Variants in TBCK observed in about 807,000 individuals in gnomAD.
TBCK encodes the protein TBC domain-containing protein kinase-like protein.
TBCK carries 99 observed loss-of-function variants against 113.4 expected under a neutral mutation model. The observed-to-expected ratio is 0.87, with a 90% CI of 0.74 to 1.03. TBCK has a LOEUF of 1.03. Ranked by LOEUF, TBCK falls within the 50% of genes least tolerant of loss-of-function variation. The pLI is 0.00. For missense variants in TBCK, 1,045 were observed against 1,061.3 expected, an observed-to-expected ratio of 0.98 and a Z score of 0.21; for synonymous variants, 369 against 370.8, an observed-to-expected ratio of 1.00 and a Z score of 0.05.
intron 1 of TBCK, among the ~76,000 whole-genome samples, chr4:106,311,541 T>C (rs1382353895): frequency 6.6e-6 from 1 of 152,082 alleles, no homozygotes; most frequent in African/African-American, 2.4e-5. Flanking sequence ...AAGAATATAT[T>C]CAATAAGTAA....
At chr4:106,130,706 TTAG>T (rs2149618009) in intron 23 of TBCK, among the ~76,000 whole-genome samples, 1 of 151,978 alleles carries the variant, frequency 6.6e-6, no homozygotes, top group Non-Finnish European at 1.5e-5. Flanking sequence ...TTTTCTGTGT[TTAG>T]GTTTTATTCA....
At chr4:106,254,135 G>A (rs1761727573) in intron 5 of TBCK, among the ~76,000 whole-genome samples, 1 of 152,028 alleles carries the variant, frequency 6.6e-6, no homozygotes, top group African/African-American at 2.4e-5. Context: ...GGCCAGAGAA[G>A]CTCATTGAAA....
At chr4:106,113,079 C>T (rs1355223117) in intron 24 of TBCK, among the ~76,000 whole-genome samples, 7 of 152,202 alleles carry the variant, frequency 4.6e-5, no homozygotes, top group Non-Finnish European at 8.8e-5. Context: ...GCGCTCATGC[C>T]TTTCCTGGAG....
chr4:106,059,750 A>G (rs898228758), intron 25 of TBCK, among the ~76,000 whole-genome samples: 1 of 151,828 alleles, frequency 6.6e-6, no homozygotes, highest in Non-Finnish European at 1.5e-5. Flanking sequence ...TCTAGAAATA[A>G]GATTAAGATT....
chr4:106,087,747 C>T (rs1739681684), intron 25 of TBCK, among the ~76,000 whole-genome samples: 1 of 150,820 alleles, frequency 6.6e-6, no homozygotes. Context: ...GGAGCAGGAC[C>T]AACATACAGA....
intron 2 of TBCK, among the ~76,000 whole-genome samples, chr4:106,306,147 G>A (rs1227461372): frequency 1.3e-5 from 2 of 151,414 alleles, no homozygotes; most frequent in Non-Finnish European, 2.9e-5. Context: ...ATAACTCACT[G>A]CAGCCCCAAA....
intron 25 of TBCK, among the ~76,000 whole-genome samples, chr4:106,058,938 T>C (rs570810445): frequency 6.6e-6 from 1 of 151,798 alleles, no homozygotes; most frequent in Admixed American, 6.6e-5. Flanking sequence ...GTGAAAACAG[T>C]TGTGCAGTAA....
rs184261006 is a variant in TBCK at position 106,042,504 on chromosome 4, C to G, written c.*4066G>C. 6.6e-6 allele frequency: 1 copy of G among 152,006 alleles called. No homozygotes were observed. Among genetic ancestry groups the G allele is most frequent in the South Asian group, 2.1e-4 (1 of 4,814 alleles). The allele number at this position is 152,006 out of a possible 1,614,324, so 9.4% of individuals were successfully genotyped here. A position where few individuals can be genotyped will look rare whatever the true frequency, so the allele number is the denominator to read the frequency against. Reference sequence around the variant, plus strand: ...CCTCCCGAGTAGCTGGGACTACAGGCGCCCACCACCACGCCTGGCTAATTT... The same window carrying G: ...CCTCCCGAGTAGCTGGGACTACAGGGGCCCACCACCACGCCTGGCTAATTT... On this transcript the variant is annotated 3_prime_UTR_variant, in exon 26 of 26. Transcript: ENST00000394708.
intron 25 of TBCK, among the ~76,000 whole-genome samples, chr4:106,060,108 C>T (rs920375742): frequency 3.9e-4 from 59 of 151,856 alleles, no homozygotes; most frequent in African/African-American, 1.1e-3. Flanking sequence ...AAGCTGTCTC[C>T]ATAACTAAAA....
chr4:106,263,019 C>A (rs1272748692), intron 3 of TBCK, among the ~76,000 whole-genome samples: 1 of 151,828 alleles, frequency 6.6e-6, no homozygotes, highest in Non-Finnish European at 1.5e-5. Context: ...GTCAACATTC[C>A]TTTTCTTTTT....
rs1195007792 is a variant in TBCK at position 106,156,370 on chromosome 4, A to G, written c.2235+14725T>C. Among the ~76,000 whole-genome samples the G allele has an allele frequency of 2.0e-5, 3 of 152,232 alleles. No individual in the cohort carries two copies. The East Asian group carries it at 5.8e-4, about 30-fold the overall frequency. ...TCGCCCAAGGCTTGCTGTCATAACTACTATCATGGCTACTGCCTGTGTTCA... is the reference window on the plus strand; with the variant it reads ...TCGCCCAAGGCTTGCTGTCATAACTGCTATCATGGCTACTGCCTGTGTTCA... On this transcript the variant is annotated intron_variant, in intron 23 of 25. Coordinates refer to ENST00000394708, the MANE Select transcript of TBCK (RefSeq NM_001163435.3).
chr4:106,156,071 T>C (rs954490407), intron 23 of TBCK, among the ~76,000 whole-genome samples: 1 of 152,166 alleles, frequency 6.6e-6, no homozygotes, highest in Non-Finnish European at 1.5e-5. Flanking sequence ...TGTTGTGATC[T>C]AAGCTATATC....
chr4:106,114,343 G>A (rs1332978781), intron 24 of TBCK, among the ~76,000 whole-genome samples: 4 of 152,214 alleles, frequency 2.6e-5, no homozygotes, highest in Non-Finnish European at 4.4e-5. Context: ...AGATAGCAAA[G>A]AGATATAAAG....
chr4:106,315,812 AG>A (rs2125913991), intron 1 of TBCK, 118 bp downstream of exon 1: 1 of 152,442 alleles, frequency 6.6e-6, no homozygotes, highest in Admixed American at 6.5e-5. Context: ...GCGGCTCCAC[AG>A]CTCGGTTCTC....
chr4:106,182,195 T>C (rs182660075), intron 22 of TBCK, among the ~76,000 whole-genome samples: 2 of 152,296 alleles, frequency 1.3e-5, no homozygotes, highest in East Asian at 1.9e-4. Context: ...ACAGAAATAC[T>C]TGTGATTTTT....
intron 23 of TBCK, among the ~76,000 whole-genome samples, chr4:106,127,445 G>A (rs1488676781): frequency 6.6e-6 from 1 of 151,982 alleles, no homozygotes; most frequent in East Asian, 1.9e-4. Context: ...CAGAAAAACT[G>A]TGTTTTTATA....
chr4:106,114,200 A>C (rs1198475357), intron 24 of TBCK, among the ~76,000 whole-genome samples: 1 of 152,208 alleles, frequency 6.6e-6, no homozygotes, highest in Non-Finnish European at 1.5e-5. Flanking sequence ...GTAGGAGATC[A>C]GTCAGGGTGG....
intron 11 of TBCK, 147 bp from the exon 12 acceptor site, chr4:106,242,716 AATT>A: frequency 2.2e-5 from 11 of 494,690 alleles, no homozygotes; most frequent in African/African-American, 3.9e-5. Context: ...ATGTTTTTTT[AATT>A]ATTATTATTA....
chr4:106,218,324 C>A (rs1372083395), intron 19 of TBCK, among the ~76,000 whole-genome samples: 2 of 150,756 alleles, frequency 1.3e-5, no homozygotes, highest in Non-Finnish European at 3.0e-5. Context: ...GACTTCATGT[C>A]TAAAACACCA....
Sources: allele counts gnomAD v4.1 joint callset (sites outside exome capture counted in the v4.1 genomes callset), GRCh38; gene constraint gnomAD v4.1.1; transcripts MANE v1.5; gene names NCBI Gene and HGNC (gene_info 2026-07-23, HGNC 2026-07-21).